The following PCLO variants were observed in gnomAD, a reference collection of about 807,000 sequenced individuals.
PCLO encodes the protein protein piccolo.
In PCLO, 82 loss-of-function variants were observed where a neutral mutation model predicts 427.5. That is an observed-to-expected ratio of 0.19 (90% confidence interval 0.16 to 0.23). The LOEUF (loss-of-function observed/expected upper bound fraction) is 0.23, where lower values mean the gene tolerates loss of function less well. PCLO is among the 10% of genes least tolerant of loss of function. The pLI, the probability that PCLO is intolerant of heterozygous loss-of-function variation, is 1.00. For synonymous variants in PCLO, 2,357 were observed against 2,155.4 expected (o/e 1.09, Z -2.59); for missense variants, 6,239 against 6,115.9 (o/e 1.02, Z -0.67).
intron 3 of PCLO, among the ~76,000 whole-genome samples, chr7:83,002,578 A>C (rs781536516): frequency 6.6e-6 from 1 of 151,948 alleles, no homozygotes; most frequent in East Asian, 1.9e-4. Context: ...GAATTTACAA[A>C]ATTCTTTATT....
chr7:82,919,091 GAA>G (rs1794536366), intron 6 of PCLO, among the ~76,000 whole-genome samples: 1 of 151,886 alleles, frequency 6.6e-6, no homozygotes, highest in South Asian at 2.1e-4. Flanking sequence ...GTTTAGGTGA[GAA>G]AAAAGAGAGC....
intron 3 of PCLO, among the ~76,000 whole-genome samples, chr7:83,040,054 T>C (rs1409622241): frequency 6.6e-6 from 1 of 152,164 alleles, no homozygotes; most frequent in Non-Finnish European, 1.5e-5. Context: ...ATTCTAATCA[T>C]TTTAATGGGA....
chr7:82,965,012 A>G (rs1004574735), intron 4 of PCLO, among the ~76,000 whole-genome samples: 3 of 152,186 alleles, frequency 2.0e-5, no homozygotes, highest in Non-Finnish European at 4.4e-5. Flanking sequence ...GTATAATGTA[A>G]GATCTCTTAC....
In PCLO at chr7:83,134,462, T is replaced by A. The variant is rs769042370; in HGVS notation, c.3088A>T (p.Ile1030Phe). 2.5e-6 allele frequency: 4 copies of A among 1,613,694 alleles called. No homozygotes were observed. The highest frequency in any genetic ancestry group is 1.7e-5 in the Admixed American group (1 of 59,962). Residue 1030 changes from isoleucine to phenylalanine, a missense_variant, in exon 3 of 25, where the codon ATT becomes TTT. Transcript: ENST00000333891. ...RTETEKKPPP[I>F]KDSKSLTAEP... Reference sequence around the variant, plus strand: ...GCTGTTAAAGATTTGCTATCCTTAATAGGTGGTGGCTTTTTTTCTGTTTCT... The same window carrying A: ...GCTGTTAAAGATTTGCTATCCTTAAAAGGTGGTGGCTTTTTTTCTGTTTCT...
intron 21 of PCLO, 43 bp from the exon 22 acceptor site, chr7:82,801,634 C>A: frequency 8.4e-7 from 1 of 1,193,928 alleles, no homozygotes; most frequent in Non-Finnish European, 1.2e-6. Context: ...GTTATGATCT[C>A]ATGAATGCAA....
intron 10 of PCLO, among the ~76,000 whole-genome samples, chr7:82,859,435 T>A (rs962390956): frequency 6.6e-6 from 1 of 152,180 alleles, no homozygotes; most frequent in Admixed American, 6.5e-5. Context: ...TGGGAGAAAG[T>A]AAGAGAAGAG....
In PCLO at chr7:82,755,882, A is replaced by G. The variant is rs899336987; in HGVS notation, c.*2693T>C. The G allele has an allele frequency of 3.9e-5, 6 of 152,136 alleles. No individual in the cohort carries two copies. In the East Asian group the frequency reaches 1.2e-3, roughly 29 times the overall value. 9.4% of individuals were successfully genotyped at this position (152,136 alleles called of 1,614,324 possible). A position where few individuals can be genotyped will look rare whatever the true frequency, so the allele number is the denominator to read the frequency against. ...CAACCTAGAAGTTTGGTCAGCTGCA[A>G]ACTTGGCACACTGGCAGGATCTTAT... On this transcript the variant is annotated 3_prime_UTR_variant, in exon 25 of 25. Coordinates refer to ENST00000333891, the MANE Select transcript of PCLO (RefSeq NM_033026.6).
intron 3 of PCLO, among the ~76,000 whole-genome samples, chr7:83,086,438 G>A (rs537649936): frequency 6.6e-6 from 1 of 151,972 alleles, no homozygotes; most frequent in African/African-American, 2.4e-5. Context: ...AAATAAAGGG[G>A]GTGAAAAACT....
chr7:82,850,172 C>G (rs1239973889), intron 10 of PCLO, among the ~76,000 whole-genome samples: 2 of 152,010 alleles, frequency 1.3e-5, no homozygotes, highest in African/African-American at 4.8e-5. Flanking sequence ...CCACACCCAG[C>G]TAGTTTTTGC....
intron 5 of PCLO, 54 bp downstream of exon 5, chr7:82,951,802 G>A (rs1215119714): frequency 3.9e-6 from 6 of 1,540,930 alleles, no homozygotes; most frequent in South Asian, 1.3e-5. Context: ...GAAATGAGAT[G>A]AGGAACACCA....
At chr7:83,144,812 T>C (rs1044382313) in intron 2 of PCLO, among the ~76,000 whole-genome samples, 1 of 152,194 alleles carries the variant, frequency 6.6e-6, no homozygotes, top group African/African-American at 2.4e-5. Flanking sequence ...TCCCCAAAAA[T>C]ACAATTACAG....
At chr7:83,142,837 T>C (rs766691575) in intron 2 of PCLO, among the ~76,000 whole-genome samples, 3 of 152,114 alleles carry the variant, frequency 2.0e-5, no homozygotes, top group Non-Finnish European at 4.4e-5. Flanking sequence ...CATGTGCCTG[T>C]AATCCCAGCT....
At chr7:82,860,465 C>T (rs1476485712) in intron 10 of PCLO, among the ~76,000 whole-genome samples, 1 of 151,798 alleles carries the variant, frequency 6.6e-6, no homozygotes, top group East Asian at 1.9e-4. Context: ...GGTAAAAATA[C>T]CCTTCAAACA....
chr7:83,055,148 AT>A (rs1047338518), intron 3 of PCLO, among the ~76,000 whole-genome samples: 16 of 152,154 alleles, frequency 1.1e-4, no homozygotes, highest in African/African-American at 3.4e-4. Flanking sequence ...TTTCAACACT[AT>A]TTCCTGCAAT....
intron 3 of PCLO, among the ~76,000 whole-genome samples, chr7:82,993,613 T>A (rs1583881946): frequency 6.6e-6 from 1 of 151,972 alleles, no homozygotes; most frequent in African/African-American, 2.4e-5. Flanking sequence ...GCATGTATAT[T>A]TTTTTTAGTC....
At chr7:82,767,123 AAAACAAAC>A (rs202187289) in intron 22 of PCLO, among the ~76,000 whole-genome samples, 1,528 of 152,204 alleles carry the variant, frequency 0.01, 20 homozygotes, top group African/African-American at 0.035. Flanking sequence ...GCCTTTGAAC[AAAACAAAC>A]AAACAAACAA....
At position 82,915,202 on chromosome 7, in the gene PCLO, T is replaced by G; in HGVS notation, c.12784A>C (p.Thr4262Pro). ...GTATTTCCTAATGTGCCCAGTCCTG[T>G]GCCAAGAGAAGATCCCATAAATTTT... ...QQKFMGSSLG[T>P]GLGTLGNTIR... The change falls in exon 7 of 25, where the codon ACA becomes CCA. Residue 4262 changes from threonine (T) to proline (P), a missense_variant. Thr to Pro is a conservative substitution (Grantham distance 38). Coordinates refer to ENST00000333891, the MANE Select transcript of PCLO (RefSeq NM_033026.6). The G allele has an allele frequency of 6.2e-7, 1 of 1,611,480 alleles. No individual in the cohort carries two copies. Among genetic ancestry groups the G allele is most frequent in the African/African-American group, 1.3e-5 (1 of 75,004 alleles).
chr7:83,088,363 C>T (rs1475413840), intron 3 of PCLO, among the ~76,000 whole-genome samples: 2 of 152,164 alleles, frequency 1.3e-5, no homozygotes, highest in Non-Finnish European at 2.9e-5. Context: ...TATCTGGAAC[C>T]CAAAGACTGG....
In PCLO at chr7:82,954,762, G is replaced by T. The variant is rs1359933688; in HGVS notation, c.6191C>A (p.Ala2064Asp). The change falls in exon 5 of 25, where the codon GCC (alanine) becomes GAC (aspartate). Residue 2064 changes from alanine to aspartate, a missense_variant. By Grantham distance (126) the Ala-to-Asp change is moderately radical. This residue lies in a region of PCLO where 4,677 missense variants were observed against 4,468.4 expected (regional missense o/e 1.05). Transcript: ENST00000333891. ...EERKLLDADA[A>D]YEELMKRQQM... ...TTGCCTCTTCATAAGTTCTTCATAG[G>T]CAGCATCAGCATCTAGTAGTTTCCT... 1 of 1,613,624 alleles carries T rather than the reference G, an allele frequency of 6.2e-7. No homozygotes were observed. Among genetic ancestry groups the T allele is most frequent in the Non-Finnish European group, 8.5e-7 (1 of 1,179,818 alleles).
Sources: allele counts gnomAD v4.1 joint callset (sites outside exome capture counted in the v4.1 genomes callset), GRCh38; gene constraint gnomAD v4.1.1; regional missense constraint gnomAD v4.1.1; transcripts MANE v1.5; gene names NCBI Gene and HGNC (gene_info 2026-07-23, HGNC 2026-07-21).